Variants in SDK1 observed in about 807,000 individuals in gnomAD.
SDK1 encodes the protein protein sidekick-1.
In SDK1, 157 loss-of-function variants were observed where a neutral mutation model predicts 245.5. That is an observed-to-expected ratio of 0.64 (90% CI 0.56 to 0.73). The LOEUF (loss-of-function observed/expected upper bound fraction) is 0.73. SDK1 is among the 30% of genes least tolerant of loss of function. The probability of loss-of-function intolerance (pLI) is 0.00; values close to 1 mark genes in which losing one functional copy is unlikely to be tolerated. For missense variants in SDK1, 3,583 were observed against 3,002.3 expected (o/e 1.19, Z -4.52); for synonymous variants, 1,647 against 1,278.5 (o/e 1.29, Z -6.15).
At chr7:3,475,132 C>A (rs1310814080) in intron 1 of SDK1, among the ~76,000 whole-genome samples, 1 of 152,142 alleles carries the variant, frequency 6.6e-6, no homozygotes, top group Non-Finnish European at 1.5e-5. Context: ...TGATTCCTTC[C>A]CCTTGTTCCA....
chr7:3,418,145 G>GAAAAAAAAA lies in SDK1; in HGVS notation c.298+116276_298+116284dup, dbSNP rs200914826. ...GTGAAACCCGATCTCTACTAAAAAT[G>GAAAAAAAAA]AAAAAAAAAAAAAAAAAAAAAAATA... is the stretch of plus-strand genomic sequence containing the variant. On this transcript the variant is annotated intron_variant, in intron 1 of 44. Transcript: ENST00000404826. Among the ~76,000 whole-genome samples, 9 of 119,724 alleles carry GAAAAAAAAA rather than the reference G, an allele frequency of 7.5e-5. 1 individual carries two copies. The highest frequency in any genetic ancestry group is 3.1e-4 in the African/African-American group (8 of 25,756). The allele number at this position is 119,724 out of a possible 152,430, so 78.5% of individuals were successfully genotyped here. A position where few individuals can be genotyped will look rare whatever the true frequency, so the allele number is the denominator to read the frequency against.
Position 4,051,756 on chromosome 7 carries a change from C to T in SDK1, c.2837C>T (p.Thr946Ile). Reference protein sequence around the residue: ...TNLKKFTAYFTSVLCFTTPGD... With the variant: ...TNLKKFTAYFISVLCFTTPGD... Reference sequence around the variant, plus strand: ...CTGAAGAAGTTTACCGCCTACTTCACTTCCGTTCTGTGCTTCACCACCCCT... The same window carrying T: ...CTGAAGAAGTTTACCGCCTACTTCATTTCCGTTCTGTGCTTCACCACCCCT... Residue 946 changes from threonine (T) to isoleucine (I), a missense_variant, in exon 19 of 45, where the codon ACT becomes ATT. Transcript: ENST00000404826. 1.9e-6 allele frequency: 3 copies of T among 1,614,036 alleles called. No individual in the cohort carries two copies. Among genetic ancestry groups the T allele is most frequent in the South Asian group, 1.1e-5 (1 of 91,050 alleles).
rs535832802 is a variant in SDK1 at position 3,552,925 on chromosome 7, T to G, written c.299-66155T>G. On this transcript the variant is annotated intron_variant, in intron 1 of 44. Transcript: ENST00000404826. ...GAAGATTGTGCAGAAGATATTTAAA[T>G]CAGTGTCTTACACAGTTATAAGTTG... 5.3e-5 allele frequency among the ~76,000 whole-genome samples: 8 copies of G among 152,356 alleles called. No homozygotes were observed. The East Asian group carries it at 7.7e-4, about 15-fold the overall frequency.
intron 5 of SDK1, among the ~76,000 whole-genome samples, chr7:3,879,183 A>G (rs916039109): frequency 2.0e-5 from 3 of 152,140 alleles, no homozygotes; most frequent in Admixed American, 6.5e-5. Context: ...TATTCTTACT[A>G]TTCGTGAAGC....
At chr7:4,207,604 A>G (rs939106301) in intron 36 of SDK1, among the ~76,000 whole-genome samples, 2 of 152,132 alleles carry the variant, frequency 1.3e-5, no homozygotes, top group Admixed American at 6.5e-5. Flanking sequence ...TCGGCTCTGA[A>G]TAAAATGTGG....
chr7:3,979,469 G>T (rs1783226499), intron 13 of SDK1, among the ~76,000 whole-genome samples: 1 of 152,176 alleles, frequency 6.6e-6, no homozygotes, highest in Admixed American at 6.5e-5. Context: ...AGCCCTCAAT[G>T]CCTGGACCAG....
intron 1 of SDK1, among the ~76,000 whole-genome samples, chr7:3,565,403 T>G (rs1252829632): frequency 6.6e-6 from 1 of 152,234 alleles, no homozygotes; most frequent in East Asian, 1.9e-4. Flanking sequence ...TCATTACCTC[T>G]GCTGCTACTT....
intron 5 of SDK1, among the ~76,000 whole-genome samples, chr7:3,846,681 C>G (rs138742266): frequency 2.0e-5 from 3 of 152,332 alleles, no homozygotes; most frequent in African/African-American, 4.8e-5. Flanking sequence ...CCCCACTTCT[C>G]TGAACTCATC....
intron 42 of SDK1, among the ~76,000 whole-genome samples, chr7:4,240,676 T>C (rs1340512392): frequency 6.6e-6 from 1 of 152,166 alleles, no homozygotes; most frequent in African/African-American, 2.4e-5. Flanking sequence ...TCCTGGGGGC[T>C]GGCGGGACAC....
chr7:3,676,791 T>A (rs1214634195), intron 4 of SDK1, among the ~76,000 whole-genome samples: 3 of 152,256 alleles, frequency 2.0e-5, no homozygotes, highest in Non-Finnish European at 4.4e-5. Context: ...ACTCCATTGC[T>A]TATTTTTGTT....
At chr7:4,208,397 C>T (rs1784350236) in intron 37 of SDK1, 112 bp downstream of exon 37, 3 of 951,342 alleles carry the variant, frequency 3.2e-6, no homozygotes, top group Non-Finnish European at 4.7e-6. Flanking sequence ...CGGAAGGCAA[C>T]ACCTTTTGAG....
chr7:3,880,501 G>A (rs2286176), intron 5 of SDK1, among the ~76,000 whole-genome samples: 1,732 of 150,944 alleles, frequency 0.011, 67 homozygotes, highest in Admixed American at 0.064. Context: ...AAAGTGCAGC[G>A]ATGCGCAGAT....
chr7:4,062,682 G>A (rs946565291), intron 19 of SDK1, among the ~76,000 whole-genome samples: 1 of 152,128 alleles, frequency 6.6e-6, no homozygotes, highest in African/African-American at 2.4e-5. Context: ...TATCCCTGAT[G>A]AACATAGACA....
chr7:3,446,984 A>G (rs986889014), intron 1 of SDK1, among the ~76,000 whole-genome samples: 3 of 152,216 alleles, frequency 2.0e-5, no homozygotes, highest in Admixed American at 2.0e-4. Flanking sequence ...TGGAGATACG[A>G]TGAAGCAATC....
intron 35 of SDK1, among the ~76,000 whole-genome samples, chr7:4,198,349 G>T (rs1479607495): frequency 1.3e-5 from 2 of 152,220 alleles, no homozygotes; most frequent in Non-Finnish European, 2.9e-5. Flanking sequence ...AGTCACAAGG[G>T]TGTTGGCTGG....
At chr7:3,615,546 C>G (rs1781739196) in intron 1 of SDK1, among the ~76,000 whole-genome samples, 1 of 151,712 alleles carries the variant, frequency 6.6e-6, no homozygotes, top group African/African-American at 2.4e-5. Flanking sequence ...ATTATAAGCG[C>G]TTAAGGGACA....
intron 17 of SDK1, among the ~76,000 whole-genome samples, chr7:4,021,185 G>A (rs138124728): frequency 1.3e-5 from 2 of 152,266 alleles, no homozygotes; most frequent in Non-Finnish European, 2.9e-5. Context: ...CCTGCAGTCT[G>A]GCCCTGGAGG....
chr7:3,987,900 C>G (rs529351456), intron 14 of SDK1, among the ~76,000 whole-genome samples: 1 of 152,102 alleles, frequency 6.6e-6, no homozygotes, highest in South Asian at 2.1e-4. Flanking sequence ...GTGACGTGTG[C>G]CCCGCCGTGT....
intron 4 of SDK1, among the ~76,000 whole-genome samples, chr7:3,701,917 G>C (rs963282837): frequency 1.8e-5 from 2 of 111,966 alleles, no homozygotes; most frequent in Admixed American, 1.1e-4. Context: ...GGTTGGACGT[G>C]CATAAGCAAA....
Sources: gnomAD v4.1 joint callset for allele counts (sites outside exome capture counted in the v4.1 genomes callset) on GRCh38, gnomAD v4.1.1 for gene constraint, MANE v1.5 for transcripts, NCBI Gene and HGNC (gene_info 2026-07-23, HGNC 2026-07-21) for gene names.